Variants in ARL15 observed in about 807,000 individuals in gnomAD.
ARL15 encodes the protein ADP-ribosylation factor-like protein 15.
A neutral mutation model predicts 25.2 loss-of-function variants in ARL15; 19 were observed. That is an observed-to-expected ratio of 0.75 (90% CI 0.53 to 1.10). The LOEUF (loss-of-function observed/expected upper bound fraction) is 1.10. Ranked by LOEUF, ARL15 falls within the 50% of genes least tolerant of loss-of-function variation. The pLI, the probability that ARL15 is intolerant of heterozygous loss-of-function variation, is 0.00. For synonymous variants in ARL15, 94 were observed against 86.8 expected (o/e 1.08, Z -0.46); for missense variants, 220 against 246.0 (o/e 0.89, Z 0.71).
intron 4 of ARL15, among the ~76,000 whole-genome samples, chr5:54,095,410 C>T (rs1752255515): frequency 6.6e-6 from 1 of 152,102 alleles, no homozygotes; most frequent in Admixed American, 6.6e-5. Flanking sequence ...TCCCCAAAGA[C>T]CCTTTTCTAC....
At position 54,186,444 on chromosome 5, in the gene ARL15, G is replaced by T. The variant is rs186513819; in HGVS notation, c.49-14516C>A. On this transcript the variant is annotated intron_variant, in intron 1 of 4. Coordinates refer to ENST00000504924, the MANE Select transcript of ARL15 (RefSeq NM_019087.3). Reference sequence around the variant, plus strand: ...TCACTTTAAAAGCTGGAATGAATCTGTGAGAGTTATTTAAAGGTGTGCTTT... The same window carrying T: ...TCACTTTAAAAGCTGGAATGAATCTTTGAGAGTTATTTAAAGGTGTGCTTT... Among the ~76,000 whole-genome samples, 213 of 152,280 alleles carry T rather than the reference G, an allele frequency of 1.4e-3. 1 individual carries two copies. Among genetic ancestry groups the T allele is most frequent in the Admixed American group, 2.7e-3 (41 of 15,290 alleles).
chr5:54,035,064 C>T lies in ARL15; in HGVS notation c.462+78138G>A, dbSNP rs117546565. On this transcript the variant is annotated intron_variant, in intron 4 of 4. Coordinates refer to ENST00000504924, the MANE Select transcript of ARL15 (RefSeq NM_019087.3). ...TTTGAAAACGACTTCTGGCTGAGAA[C>T]ATAGGCAAGACAAATATAGCAAATG... 4.9e-4 allele frequency among the ~76,000 whole-genome samples: 74 copies of T among 152,076 alleles called. No individual in the cohort carries two copies. The East Asian group carries it at 0.014, about 28-fold the overall frequency.
intron 4 of ARL15, among the ~76,000 whole-genome samples, chr5:54,074,484 A>C (rs1272324966): frequency 1.3e-5 from 2 of 152,248 alleles, no homozygotes; most frequent in Non-Finnish European, 2.9e-5. Flanking sequence ...AAGAATAAAG[A>C]AGATAAGATC....
intron 4 of ARL15, among the ~76,000 whole-genome samples, chr5:53,887,622 T>C (rs1744576562): frequency 6.6e-6 from 1 of 152,194 alleles, no homozygotes; most frequent in African/African-American, 2.4e-5. Flanking sequence ...TCATACACAC[T>C]GTATCATACA....
In ARL15 at chr5:54,075,073, G is replaced by GAAAAAAAAAAAAAAAAAAAA. The variant is rs3836818; in HGVS notation, c.462+38128_462+38129insTTTTTTTTTTTTTTTTTTTT. ...GAATGATTCTTAGTACAGAATACAG[G>GAAAAAAAAAAAAAAAAAAAA]AAAAAAAAAAAAAAAAAAAGTCCTG... On this transcript the variant is annotated intron_variant, in intron 4 of 4. Transcript: ENST00000504924. Among the ~76,000 whole-genome samples, 10 of 63,912 alleles carry GAAAAAAAAAAAAAAAAAAAA rather than the reference G, an allele frequency of 1.6e-4. 2 individuals carry two copies. The highest frequency in any genetic ancestry group is 2.3e-4 in the Non-Finnish European group (8 of 35,260). 41.9% of individuals were successfully genotyped at this position (63,912 alleles called of 152,430 possible). A position where few individuals can be genotyped will look rare whatever the true frequency, so the allele number is the denominator to read the frequency against.
At chr5:54,206,628 G>C (rs1755877084) in intron 1 of ARL15, among the ~76,000 whole-genome samples, 1 of 152,128 alleles carries the variant, frequency 6.6e-6, no homozygotes, top group Admixed American at 6.6e-5. Flanking sequence ...TTAGGAGTTA[G>C]CCAGACAAAA....
At chr5:54,282,237 A>T in intron 1 of ARL15, 1 of 985,368 alleles carries the variant, frequency 1.0e-6, no homozygotes, top group Non-Finnish European at 1.2e-6. Flanking sequence ...TATTTTTCAC[A>T]ACATGTGGTA....
intron 4 of ARL15, among the ~76,000 whole-genome samples, chr5:53,968,943 T>C (rs1166962850): frequency 6.6e-6 from 1 of 151,026 alleles, no homozygotes; most frequent in Non-Finnish European, 1.5e-5. Flanking sequence ...AGGTCGGGAG[T>C]TCGAGACCAG....
intron 3 of ARL15, among the ~76,000 whole-genome samples, chr5:54,125,677 AT>A (rs1035481033): frequency 6.6e-6 from 1 of 152,200 alleles, no homozygotes; most frequent in Non-Finnish European, 1.5e-5. Context: ...ATTATTTTGT[AT>A]GTATTATCTA....
intron 2 of ARL15, among the ~76,000 whole-genome samples, chr5:54,165,220 T>C (rs1754529446): frequency 6.6e-6 from 1 of 152,076 alleles, no homozygotes; most frequent in African/African-American, 2.4e-5. Context: ...TATGTGCTTA[T>C]TATTGTTGTT....
chr5:54,268,429 G>A (rs1161664243), intron 1 of ARL15, among the ~76,000 whole-genome samples: 5 of 152,118 alleles, frequency 3.3e-5, no homozygotes, highest in East Asian at 1.9e-4. Flanking sequence ...CCTGTAGCTC[G>A]GAGTAGTTTG....
At chr5:54,042,643 C>T (rs1356152503) in intron 4 of ARL15, among the ~76,000 whole-genome samples, 3 of 152,198 alleles carry the variant, frequency 2.0e-5, no homozygotes, top group South Asian at 2.1e-4. Context: ...TTCTCTAATA[C>T]AGCTGATGCT....
At chr5:53,948,398 G>A (rs1308625202) in intron 4 of ARL15, among the ~76,000 whole-genome samples, 12 of 152,180 alleles carry the variant, frequency 7.9e-5, no homozygotes, top group Non-Finnish European at 4.4e-5. Context: ...TGAACTGATA[G>A]GTCTTGTAAA....
intron 4 of ARL15, among the ~76,000 whole-genome samples, chr5:54,039,902 T>G (rs1750284641): frequency 6.6e-6 from 1 of 152,000 alleles, no homozygotes; most frequent in Non-Finnish European, 1.5e-5. Context: ...TTTTTGAACT[T>G]TTTTCTGGTC....
chr5:54,235,019 C>A (rs1035689635), intron 1 of ARL15, among the ~76,000 whole-genome samples: 3 of 152,144 alleles, frequency 2.0e-5, no homozygotes, highest in African/African-American at 7.2e-5. Flanking sequence ...GATTATACAT[C>A]GGCTATCCAA....
chr5:53,985,930 C>G (rs1431446396), intron 4 of ARL15, among the ~76,000 whole-genome samples: 1 of 152,172 alleles, frequency 6.6e-6, no homozygotes, highest in Non-Finnish European at 1.5e-5. Context: ...CAAAAGACAG[C>G]CTTCACTGCC....
intron 3 of ARL15, among the ~76,000 whole-genome samples, chr5:54,152,612 A>G (rs1293486932): frequency 6.6e-6 from 1 of 152,170 alleles, no homozygotes; most frequent in Non-Finnish European, 1.5e-5. Flanking sequence ...TTTGCTCTTC[A>G]ATACTAACAC....
At chr5:54,106,244 A>G (rs1413676441) in intron 4 of ARL15, among the ~76,000 whole-genome samples, 1 of 152,210 alleles carries the variant, frequency 6.6e-6, no homozygotes, top group Non-Finnish European at 1.5e-5. Flanking sequence ...GTGGTTTGTA[A>G]GCAATATTAA....
intron 4 of ARL15, among the ~76,000 whole-genome samples, chr5:54,005,227 G>A (rs1748987063): frequency 6.6e-6 from 1 of 150,942 alleles, no homozygotes; most frequent in Admixed American, 6.6e-5. Context: ...ATGTCACATA[G>A]GTAGTAGATG....
Sources: allele counts gnomAD v4.1 joint callset (sites outside exome capture counted in the v4.1 genomes callset), GRCh38; gene constraint gnomAD v4.1.1; transcripts MANE v1.5; gene names NCBI Gene and HGNC (gene_info 2026-07-23, HGNC 2026-07-21).